The following LHFPL6 variants were observed in gnomAD, a reference collection of about 807,000 sequenced individuals.
The protein encoded by LHFPL6 is LHFPL tetraspan subfamily member 6, also known as LHFPL tetraspan subfamily member 6 protein.
In LHFPL6, 9 loss-of-function variants were observed where a neutral mutation model predicts 20.6. The ratio of observed to expected loss-of-function variants is 0.44; its 90% CI spans 0.26 to 0.76. The LOEUF (loss-of-function observed/expected upper bound fraction) is 0.76, where lower values mean the gene tolerates loss of function less well. Among genes scored for constraint, LHFPL6 ranks in the 30% least tolerant of loss-of-function variants. LHFPL6 has a pLI of 0.20. For synonymous variants in LHFPL6, 105 were observed against 98.7 expected (o/e 1.06, Z -0.38); for missense variants, 218 against 253.5 (o/e 0.86, Z 0.95).
chr13:39,352,908 A>C lies in LHFPL6; in HGVS notation c.485-8854T>G, dbSNP rs902088430. ...GTATATATATGTGTATATATATATA[A>C]ATGTATATATATATAAATGTATATA... On this transcript the variant is annotated intron_variant, in intron 3 of 3. Coordinates refer to ENST00000379589, the MANE Select transcript of LHFPL6 (RefSeq NM_005780.3). Among the ~76,000 whole-genome samples the C allele has an allele frequency of 1.5e-3, 47 of 31,640 alleles. 1 individual carries two copies. The highest frequency in any genetic ancestry group is 2.0e-3 in the African/African-American group (20 of 10,184). 20.8% of individuals were successfully genotyped at this position (31,640 alleles called of 152,430 possible).
rs1196607328 is a variant in LHFPL6 at position 39,538,209 on chromosome 13, C to T, written c.385+62623G>A. On this transcript the variant is annotated intron_variant, in intron 2 of 3. Coordinates refer to ENST00000379589, the MANE Select transcript of LHFPL6 (RefSeq NM_005780.3). ...TTCACCATGTTGGGCAGGCTGGTCT[C>T]GAACTCCTGACCTCAGGTGATCTAC... is the stretch of plus-strand genomic sequence containing the variant. Among the ~76,000 whole-genome samples, 8 of 151,540 alleles carry T rather than the reference C, an allele frequency of 5.3e-5. No homozygotes were observed. The South Asian group carries it at 8.4e-4, about 16-fold the overall frequency.
At chr13:39,438,105 T>C (rs1391069003) in intron 2 of LHFPL6, among the ~76,000 whole-genome samples, 1 of 152,162 alleles carries the variant, frequency 6.6e-6, no homozygotes, top group African/African-American at 2.4e-5. Context: ...CTGATAGTGA[T>C]ATAGACAGTG....
intron 2 of LHFPL6, among the ~76,000 whole-genome samples, chr13:39,411,282 CA>C (rs1394636355): frequency 2.0e-5 from 3 of 152,136 alleles, no homozygotes; most frequent in African/African-American, 7.2e-5. Flanking sequence ...TTCTAATTGG[CA>C]AAACGGGTAT....
intron 2 of LHFPL6, among the ~76,000 whole-genome samples, chr13:39,415,947 G>A (rs1871336210): frequency 6.8e-6 from 1 of 146,394 alleles, no homozygotes; most frequent in Non-Finnish European, 1.5e-5. Flanking sequence ...GCAGAATCAG[G>A]ACTAGAAAGG....
At chr13:39,569,854 T>C (rs985981644) in intron 2 of LHFPL6, among the ~76,000 whole-genome samples, 3 of 152,090 alleles carry the variant, frequency 2.0e-5, no homozygotes, top group Admixed American at 2.0e-4. Flanking sequence ...ATTTGGAAAA[T>C]TATGAAAATG....
intron 2 of LHFPL6, among the ~76,000 whole-genome samples, chr13:39,467,858 T>C (rs919408152): frequency 6.6e-6 from 1 of 152,182 alleles, no homozygotes; most frequent in Non-Finnish European, 1.5e-5. Context: ...CCTTTCCCTA[T>C]GAAGAAGGGT....
intron 2 of LHFPL6, among the ~76,000 whole-genome samples, chr13:39,572,082 G>A (rs763132305): frequency 6.6e-6 from 1 of 152,152 alleles, no homozygotes; most frequent in Non-Finnish European, 1.5e-5. Flanking sequence ...ACTGGCCAAG[G>A]ATACTGTATC....
rs1566091579 is a variant in LHFPL6, at chr13:39,352,869, A to ATATATATAAATGTATATATATGTGTG, written c.485-8816_485-8815insCACACATATATATACATTTATATATA. On this transcript the variant is annotated intron_variant, in intron 3 of 3. Transcript: ENST00000379589. ...TATATAAATGTATATATATGTGTAT[A>ATATATATAAATGTATATATATGTGTG]TATATATATAAATGTATATATATGT... Among the ~76,000 whole-genome samples the ATATATATAAATGTATATATATGTGTG allele has an allele frequency of 7.8e-5, 5 of 64,174 alleles. 1 individual carries two copies. The highest frequency in any genetic ancestry group is 3.7e-4 in the Admixed American group (2 of 5,336). The allele number at this position is 64,174 out of a possible 152,430, so 42.1% of individuals were successfully genotyped here.
chr13:39,494,781 T>C (rs1027789867), intron 2 of LHFPL6, among the ~76,000 whole-genome samples: 1 of 152,194 alleles, frequency 6.6e-6, no homozygotes, highest in African/African-American at 2.4e-5. Context: ...ACACTTACCA[T>C]ACTGACATAG....
intron 3 of LHFPL6, among the ~76,000 whole-genome samples, chr13:39,369,861 G>A (rs1465835517): frequency 6.6e-6 from 1 of 152,058 alleles, no homozygotes; most frequent in Non-Finnish European, 1.5e-5. Context: ...GTTCATCTGG[G>A]ATCTGCAAAA....
chr13:39,559,446 G>A (rs1378839319), intron 2 of LHFPL6, among the ~76,000 whole-genome samples: 1 of 152,232 alleles, frequency 6.6e-6, no homozygotes, highest in African/African-American at 2.4e-5. Context: ...AGGGCACAGA[G>A]TCAGAATTGA....
intron 3 of LHFPL6, among the ~76,000 whole-genome samples, chr13:39,369,607 C>CCTTCCT (rs1566095694): frequency 6.8e-6 from 1 of 148,060 alleles, no homozygotes. Flanking sequence ...TCCTCCCTCT[C>CCTTCCT]TCCCTCCCTT....
In LHFPL6 at chr13:39,422,540, G is replaced by T. The variant is rs114718030; in HGVS notation, c.386-44014C>A. Among the ~76,000 whole-genome samples, 942 of 147,390 alleles carry T rather than the reference G, an allele frequency of 6.4e-3. 5 individuals carry two copies. The highest frequency in any genetic ancestry group is 0.022 in the African/African-American group (871 of 40,092). ...GGCGGCAGTTGCAGTGAGCTGAGAT[G>T]GTGCCATTGCATTCCATCCTGGGCA... On this transcript the variant is annotated intron_variant, in intron 2 of 3. Transcript: ENST00000379589.
Position 39,345,512 on chromosome 13 carries a change from C to CAAAAAA in LHFPL6, c.485-1464_485-1459dup, listed in dbSNP as rs71077225. ...TGGGTCAGGGAGCGAGACTCCATCT[C>CAAAAAA]AAAAAAAAAAAAAAAAAAAAAAAAA... On this transcript the variant is annotated intron_variant, in intron 3 of 3. Transcript: ENST00000379589. 5.3e-3 allele frequency among the ~76,000 whole-genome samples: 231 copies of CAAAAAA among 43,360 alleles called. 4 individuals carry two copies. Among genetic ancestry groups the CAAAAAA allele is most frequent in the East Asian group, 0.019 (19 of 1,012 alleles). 28.4% of individuals were successfully genotyped at this position (43,360 alleles called of 152,430 possible). A position where few individuals can be genotyped will look rare whatever the true frequency, so the allele number is the denominator to read the frequency against.
rs777003981 is a variant in LHFPL6 at position 39,574,943 on chromosome 13, C to T, written c.385+25889G>A. Among the ~76,000 whole-genome samples the T allele has an allele frequency of 2.0e-5, 3 of 152,010 alleles. No individual in the cohort carries two copies. In the South Asian group the frequency reaches 6.2e-4, roughly 32 times the overall value. ...AAAATCAGCTGGGTGTGGTGGTGCACGCCGGTAATCCCAGCTACTCAGGTG... is the reference window on the plus strand; with the variant it reads ...AAAATCAGCTGGGTGTGGTGGTGCATGCCGGTAATCCCAGCTACTCAGGTG... On this transcript the variant is annotated intron_variant, in intron 2 of 3. Transcript: ENST00000379589.
At chr13:39,479,311 C>T (rs922918308) in intron 2 of LHFPL6, among the ~76,000 whole-genome samples, 10 of 152,034 alleles carry the variant, frequency 6.6e-5, no homozygotes, top group African/African-American at 1.4e-4. Flanking sequence ...CCAAAAACAC[C>T]TTTTGAGTAC....
chr13:39,506,958 T>C (rs1393577515), intron 2 of LHFPL6, among the ~76,000 whole-genome samples: 2 of 152,172 alleles, frequency 1.3e-5, no homozygotes, highest in East Asian at 3.8e-4. Flanking sequence ...AGATGTTTAA[T>C]GGAAAGAAAA....
intron 2 of LHFPL6, among the ~76,000 whole-genome samples, chr13:39,502,911 GAGACAAGGTCTTGCTCTGTCAC>G: frequency 6.6e-6 from 1 of 151,544 alleles, no homozygotes; most frequent in East Asian, 1.9e-4. Context: ...ATTTATTTTA[GAGACAAGGTCTTGCTCTGTCAC>G]CCAGGTTTGA....
At chr13:39,369,497 T>C (rs1870097930) in intron 3 of LHFPL6, among the ~76,000 whole-genome samples, 1 of 151,808 alleles carries the variant, frequency 6.6e-6, no homozygotes, top group South Asian at 2.1e-4. Context: ...CTTGGTAGGA[T>C]ATCAGTGGCC....
Sources: gnomAD v4.1 joint callset for allele counts (sites outside exome capture counted in the v4.1 genomes callset) on GRCh38, gnomAD v4.1.1 for gene constraint, MANE v1.5 for transcripts, NCBI Gene and HGNC (gene_info 2026-07-23, HGNC 2026-07-21) for gene names.